The following CNTN5 variants were observed in gnomAD, a reference collection of about 807,000 sequenced individuals.
The protein encoded by CNTN5 is contactin 5.
Under a neutral mutation model 129.1 loss-of-function variants are expected in CNTN5, and 77 were observed. The observed-to-expected ratio is 0.60, with a 90% CI of 0.50 to 0.72. The LOEUF is 0.72. Among genes scored for constraint, CNTN5 ranks in the 30% least tolerant of loss-of-function variants. The pLI, the probability that CNTN5 is intolerant of heterozygous loss-of-function variation, is 0.00. For missense variants in CNTN5, 1,478 were observed against 1,328.8 expected, an observed-to-expected ratio of 1.11 and a Z score of -1.75; for synonymous variants, 509 against 465.6, an observed-to-expected ratio of 1.09 and a Z score of -1.20.
In CNTN5 at chr11:100,257,264, G is replaced by A. The variant is rs758406103; in HGVS notation, c.2164+1346G>A. ...CTTCCTCTCTGGGCAGGGCATCTCT[G>A]AAAGAAAGACAACAGCCCCAGTCAG... is the stretch of plus-strand genomic sequence containing the variant. On this transcript the variant is annotated intron_variant, in intron 17 of 24. Coordinates refer to ENST00000524871, the MANE Select transcript of CNTN5 (RefSeq NM_014361.4). Among the ~76,000 whole-genome samples the A allele has an allele frequency of 2.2e-4, 34 of 152,130 alleles. 1 individual carries two copies. Among genetic ancestry groups the A allele is most frequent in the Non-Finnish European group, 1.2e-4 (8 of 68,030 alleles).
intron 3 of CNTN5, among the ~76,000 whole-genome samples, chr11:99,774,752 T>G (rs1179182794): frequency 6.6e-6 from 1 of 152,066 alleles, no homozygotes; most frequent in East Asian, 1.9e-4. Context: ...AATGTATGAA[T>G]GAGCAATGTT....
chr11:99,244,497 C>CTTT (rs925796220), intron 1 of CNTN5, among the ~76,000 whole-genome samples: 1 of 152,024 alleles, frequency 6.6e-6, no homozygotes, highest in Non-Finnish European at 1.5e-5. Context: ...TAACAATGAC[C>CTTT]TTTTTTTACA....
chr11:99,136,908 C>T (rs926429649), intron 1 of CNTN5, among the ~76,000 whole-genome samples: 3 of 151,628 alleles, frequency 2.0e-5, no homozygotes, highest in African/African-American at 7.3e-5. Context: ...AATTAGACTC[C>T]CATATGGAAA....
intron 7 of CNTN5, among the ~76,000 whole-genome samples, chr11:99,951,371 G>A (rs1210472122): frequency 6.6e-6 from 1 of 151,416 alleles, no homozygotes; most frequent in Non-Finnish European, 1.5e-5. Context: ...ACTGTGCTTT[G>A]CATATTTCAC....
At chr11:100,000,207 T>C (rs1438381481) in intron 8 of CNTN5, among the ~76,000 whole-genome samples, 2 of 152,006 alleles carry the variant, frequency 1.3e-5, no homozygotes, top group Non-Finnish European at 2.9e-5. Flanking sequence ...GTCCAAAGTC[T>C]CATTTGAGAC....
At chr11:99,468,871 A>G (rs1945055009) in intron 2 of CNTN5, among the ~76,000 whole-genome samples, 2 of 151,944 alleles carry the variant, frequency 1.3e-5, no homozygotes, top group Admixed American at 1.3e-4. Context: ...TTTCATATAA[A>G]TGCTTTCTAC....
intron 2 of CNTN5, among the ~76,000 whole-genome samples, chr11:99,510,265 A>G (rs1946784886): frequency 6.6e-6 from 1 of 152,146 alleles, no homozygotes; most frequent in African/African-American, 2.4e-5. Context: ...GACCTTTGTT[A>G]ACATATCGGA....
chr11:100,132,441 C>G (rs1405607287), intron 13 of CNTN5, among the ~76,000 whole-genome samples: 1 of 152,026 alleles, frequency 6.6e-6, no homozygotes, highest in African/African-American at 2.4e-5. Flanking sequence ...GGAGTAGTAA[C>G]TGTAGTAATA....
At chr11:100,093,385 T>C (rs1284190203) in intron 13 of CNTN5, among the ~76,000 whole-genome samples, 4 of 152,060 alleles carry the variant, frequency 2.6e-5, no homozygotes, top group Non-Finnish European at 5.9e-5. Flanking sequence ...CTCAGCCTCC[T>C]GAGTAGTGGG....
chr11:99,176,612 T>A (rs1857786623), intron 1 of CNTN5, among the ~76,000 whole-genome samples: 1 of 152,224 alleles, frequency 6.6e-6, no homozygotes, highest in African/African-American at 2.4e-5. Context: ...CATTATTAGC[T>A]TCTCTTTTTC....
chr11:100,127,373 C>T (rs529674494), intron 13 of CNTN5, among the ~76,000 whole-genome samples: 6 of 151,980 alleles, frequency 3.9e-5, no homozygotes, highest in Non-Finnish European at 7.4e-5. Context: ...AGCAGTTATA[C>T]GTTCCTGCTT....
intron 17 of CNTN5, among the ~76,000 whole-genome samples, chr11:100,266,066 C>A (rs532591397): frequency 6.6e-6 from 1 of 151,998 alleles, no homozygotes; most frequent in Non-Finnish European, 1.5e-5. Flanking sequence ...TTACATTTTT[C>A]AACTGAACAG....
At chr11:99,834,703 A>G (rs1254225470) in intron 4 of CNTN5, among the ~76,000 whole-genome samples, 2 of 152,204 alleles carry the variant, frequency 1.3e-5, no homozygotes, top group South Asian at 2.1e-4. Context: ...GATGGATGTA[A>G]GGTACTTTTT....
intron 3 of CNTN5, among the ~76,000 whole-genome samples, chr11:99,773,154 T>C (rs1945001811): frequency 6.6e-6 from 1 of 152,072 alleles, no homozygotes; most frequent in Non-Finnish European, 1.5e-5. Context: ...GGGAAACCAC[T>C]ACATAAGTCA....
At chr11:99,323,912 GGAGGAAGAAACA>G (rs1377134199) in intron 1 of CNTN5, among the ~76,000 whole-genome samples, 1 of 152,104 alleles carries the variant, frequency 6.6e-6, no homozygotes, top group Non-Finnish European at 1.5e-5. Context: ...AAAGAGGGAA[GGAGGAAGAAACA>G]GAGGAAGAGA....
chr11:99,290,304 T>C (rs577175480), intron 1 of CNTN5, among the ~76,000 whole-genome samples: 330 of 151,966 alleles, frequency 2.2e-3, no homozygotes, highest in African/African-American at 7.7e-3. Flanking sequence ...ATACTTGTGC[T>C]TGTAATTTTA....
In CNTN5 at chr11:99,877,997, G is replaced by C. The variant is rs1006362780; in HGVS notation, c.577+32735G>C. Among the ~76,000 whole-genome samples the C allele has an allele frequency of 5.3e-5, 8 of 152,226 alleles. No individual in the cohort carries two copies. In the East Asian group the frequency reaches 1.5e-3, roughly 29 times the overall value. On this transcript the variant is annotated intron_variant, in intron 6 of 24. Transcript: ENST00000524871. ...ATATTAAGCAGTCTACTTCAATACA[G>C]TCTGCCTTAATTATTACTTATTAAG...
intron 15 of CNTN5, among the ~76,000 whole-genome samples, chr11:100,222,998 A>AT (rs199599867): frequency 5.4e-5 from 3 of 55,638 alleles, no homozygotes; most frequent in African/African-American, 1.6e-4. Flanking sequence ...TTATTTCCCC[A>AT]TTTAAAAAAA....
chr11:99,410,977 A>G (rs754783916), intron 2 of CNTN5, among the ~76,000 whole-genome samples: 12 of 152,322 alleles, frequency 7.9e-5, no homozygotes, highest in Non-Finnish European at 1.6e-4. Context: ...TCCCAAATTT[A>G]TTTGCGTATA....
Sources: gnomAD v4.1 joint callset for allele counts (sites outside exome capture counted in the v4.1 genomes callset) on GRCh38, gnomAD v4.1.1 for gene constraint, MANE v1.5 for transcripts, NCBI Gene and HGNC (gene_info 2026-07-23, HGNC 2026-07-21) for gene names.